The following ABHD14A variants were observed in gnomAD, a reference collection of about 807,000 sequenced individuals.
The protein encoded by ABHD14A is abhydrolase domain containing 14A, also known as protein ABHD14A.
ABHD14A carries 19 observed loss-of-function variants against 27.0 expected under a neutral mutation model. The observed-to-expected ratio is 0.70, with a 90% CI of 0.49 to 1.03. The LOEUF (loss-of-function observed/expected upper bound fraction) is 1.03. Ranked by LOEUF, ABHD14A falls within the 50% of genes least tolerant of loss-of-function variation. ABHD14A has a pLI of 0.00. For missense variants in ABHD14A, 311 were observed against 344.6 expected (o/e 0.90, Z 0.77); for synonymous variants, 148 against 158.8 (o/e 0.93, Z 0.51).
At chr3:51,978,452 C>A in intron 3 of ABHD14A, 78 bp downstream of exon 3, 3 of 1,086,692 alleles carry the variant, frequency 2.8e-6, no homozygotes, top group Non-Finnish European at 4.0e-6. Context: ...TCTGGACAGG[C>A]CGTGGCAGGT....
chr3:51,977,587 C>T (rs1011060840), intron 1 of ABHD14A, among the ~76,000 whole-genome samples: 7 of 152,220 alleles, frequency 4.6e-5, no homozygotes, highest in Admixed American at 1.3e-4. Context: ...GCTTGATGAA[C>T]GGAAGTGGTT....
Position 51,977,919 on chromosome 3 carries a change from C to T in ABHD14A, c.118C>T (p.Leu40=). The change falls in exon 2 of 5, where the codon CTG becomes TTG. Residue 40 remains leucine, a synonymous_variant. Transcript: ENST00000273596. The stretch of plus-strand genomic sequence containing the variant: ...CCGGTCCCAGGTAGCCCTGCTGGGC[C>T]TGAGTCTGCTGCTCATGCTCCTACT... The part of the protein sequence containing the change: ...MSRSQVALLG[L]SLLLMLLLYV... The T allele has an allele frequency of 6.2e-7, 1 of 1,614,140 alleles. No individual in the cohort carries two copies. The highest frequency in any genetic ancestry group is 8.5e-7 in the Non-Finnish European group (1 of 1,180,022).
chr3:51,978,709 C>G (rs1303205752), intron 3 of ABHD14A: 1 of 269,194 alleles, frequency 3.7e-6, no homozygotes, highest in Non-Finnish European at 7.7e-6. Flanking sequence ...CTCCTGCCTC[C>G]GCTTCCCCAG....
chr3:51,978,623 G>A (rs898605213), intron 3 of ABHD14A: 3 of 226,096 alleles, frequency 1.3e-5, no homozygotes, highest in East Asian at 1.0e-4. Flanking sequence ...ACAGAGTCTC[G>A]CTCTGTCACC....
chr3:51,977,721 G>A (rs1700815535), intron 1 of ABHD14A, 150 bp from the exon 2 acceptor site: 2 of 731,514 alleles, frequency 2.7e-6, no homozygotes, highest in East Asian at 5.0e-5. Flanking sequence ...AGTTGAGTGT[G>A]AACTCCCAGA....
At position 51,977,851 on chromosome 3, in the gene ABHD14A, C is replaced by G; in HGVS notation, c.70-20C>G. ...AGGGACTCAGTTCCAGCCTCTTTTC[C>G]CTCTCCTCTCCCTCTCCAGACTGTG... is the stretch of plus-strand genomic sequence containing the variant. On this transcript the variant is annotated intron_variant, in intron 1 of 4. Transcript: ENST00000273596. 1 of 1,597,912 alleles carries G rather than the reference C, an allele frequency of 6.3e-7. No homozygotes were observed. The highest frequency in any genetic ancestry group is 8.6e-7 in the Non-Finnish European group (1 of 1,166,996).
intron 1 of ABHD14A, among the ~76,000 whole-genome samples, chr3:51,975,459 G>C (rs1700768681): frequency 6.9e-6 from 1 of 144,036 alleles, no homozygotes; most frequent in Non-Finnish European, 1.5e-5. Context: ...TATTTTTGGG[G>C]GGGGGGTGTG....
chr3:51,975,461 G>GGC (rs1217032505), intron 1 of ABHD14A, among the ~76,000 whole-genome samples: 5 of 144,648 alleles, frequency 3.5e-5, no homozygotes, highest in African/African-American at 1.0e-4. Context: ...TTTTTGGGGG[G>GGC]GGGGTGTGTT....
rs1237788817 is a variant in ABHD14A at position 51,981,189 on chromosome 3, C to T, written c.*171C>T. On this transcript the variant is annotated 3_prime_UTR_variant, in exon 5 of 5. Transcript: ENST00000273596. The stretch of plus-strand genomic sequence containing the variant: ...ACAATAAAAAAGCATATTTGTCCTG[C>T]CTGGGAAGTGACAGGTTCCGTTTCC... 1.3e-5 allele frequency: 9 copies of T among 709,458 alleles called. No individual in the cohort carries two copies. The South Asian group carries it at 1.4e-4, about 11-fold the overall frequency. 43.9% of individuals were successfully genotyped at this position (709,458 alleles called of 1,614,324 possible).
At chr3:51,978,973 TA>T (rs1302526275) in intron 3 of ABHD14A, 11 of 274,698 alleles carry the variant, frequency 4.0e-5, no homozygotes, top group East Asian at 1.3e-4. Context: ...TTCTTGTCAT[TA>T]AAAAAATGAA....
At chr3:51,979,097 C>G (rs184195622) in intron 3 of ABHD14A, 40 of 183,578 alleles carry the variant, frequency 2.2e-4, no homozygotes, top group Non-Finnish European at 1.1e-4. Context: ...ACACGCTGTT[C>G]TGGGTATTCC....
At position 51,980,918 on chromosome 3, in the gene ABHD14A, A is replaced by G; in HGVS notation, c.716A>G (p.His239Arg). The G allele has an allele frequency of 6.2e-7, 1 of 1,613,558 alleles. No individual in the cohort carries two copies. The highest frequency in any genetic ancestry group is 8.5e-7 in the Non-Finnish European group (1 of 1,179,882). The change falls in exon 5 of 5, where the codon CAC becomes CGC. Residue 239 changes from histidine (H) to arginine (R), a missense_variant. Coordinates refer to ENST00000273596, the MANE Select transcript of ABHD14A (RefSeq NM_015407.5). ...SLRQLRHLPN[H>R]SVVKLRNAGH... ...CGGCAGCTCCGCCACCTGCCCAACC[A>G]CTCTGTGGTGAAGCTACGCAATGCA...
Position 51,980,176 on chromosome 3 carries a change from C to T in ABHD14A, c.398-217C>T, listed in dbSNP as rs143151084. On this transcript the variant is annotated intron_variant, in intron 3 of 4. Transcript: ENST00000273596. ...TAACCTCGTGATCTGCCCGCCTCGG[C>T]CTCCCAAAGTGCTGGGATTACAGGC... 2,502 of 645,154 alleles carry T rather than the reference C, an allele frequency of 3.9e-3. 72 individuals are homozygous for T. The African/African-American group carries it at 0.04, about 10-fold the overall frequency. The allele number at this position is 645,154 out of a possible 1,614,324, so 40.0% of individuals were successfully genotyped here.
chr3:51,977,813 C>G, intron 1 of ABHD14A, 58 bp from the exon 2 acceptor site: 1 of 1,503,642 alleles, frequency 6.7e-7, no homozygotes, highest in African/African-American at 1.4e-5. Flanking sequence ...GGGATGGGAT[C>G]CAGGGTCCTT....
At position 51,980,852 on chromosome 3, in the gene ABHD14A, T is replaced by C. The variant is rs766276448; in HGVS notation, c.650T>C (p.Leu217Pro). The change falls in exon 5 of 5, where the codon CTG becomes CCG. Residue 217 changes from leucine to proline, a missense_variant. Leu to Pro is a moderately conservative substitution (Grantham distance 98). Transcript: ENST00000273596. ...GCCCTGCAGACTCCAACCCTTATCCTGTATGGAGAGCTGGACCACATCCTG... is the reference window on the plus strand; with the variant it reads ...GCCCTGCAGACTCCAACCCTTATCCCGTATGGAGAGCTGGACCACATCCTG... The part of the protein sequence containing the change: ...FWAVKTPTLI[L>P]YGELDHILAR... The C allele has an allele frequency of 1.9e-6, 3 of 1,613,912 alleles. No homozygotes were observed. The highest frequency in any genetic ancestry group is 2.2e-5 in the South Asian group (2 of 91,078).
rs759686873 is a variant in ABHD14A, at chr3:51,980,455, G to A, written c.460G>A (p.Glu154Lys). 2 of 1,613,594 alleles carry A rather than the reference G, an allele frequency of 1.2e-6. No individual in the cohort carries two copies. The highest frequency in any genetic ancestry group is 2.2e-5 in the South Asian group (2 of 91,078). Residue 154 changes from glutamate (E) to lysine (K), a missense_variant, in exon 4 of 5, where the codon GAG becomes AAG. Coordinates refer to ENST00000273596, the MANE Select transcript of ABHD14A (RefSeq NM_015407.5). ...AGAGGCAGGGCGGGCAGCGCTGCTG[G>A]AGCGGGCGCTGCGGGACCTGGAGGT... The part of the protein sequence containing the change: ...STEAGRAALL[E>K]RALRDLEVQN...
chr3:51,979,097 C>A (rs184195622), intron 3 of ABHD14A: 1 of 183,460 alleles, frequency 5.5e-6, no homozygotes, highest in African/African-American at 2.4e-5. Context: ...ACACGCTGTT[C>A]TGGGTATTCC....
chr3:51,977,149 T>C (rs1700803884), intron 1 of ABHD14A, among the ~76,000 whole-genome samples: 2 of 152,216 alleles, frequency 1.3e-5, no homozygotes, highest in African/African-American at 4.8e-5. Flanking sequence ...TCATAACAGC[T>C]GGGTTAGACC....
intron 1 of ABHD14A, 88 bp from the exon 2 acceptor site, chr3:51,977,783 G>C: frequency 1.6e-6 from 2 of 1,253,456 alleles, no homozygotes; most frequent in Non-Finnish European, 2.3e-6. Context: ...TCCTCTGCTG[G>C]GGACTCTGGG....
Sources: gnomAD v4.1 joint callset for allele counts (sites outside exome capture counted in the v4.1 genomes callset) on GRCh38, gnomAD v4.1.1 for gene constraint, MANE v1.5 for transcripts, NCBI Gene and HGNC (gene_info 2026-07-23, HGNC 2026-07-21) for gene names.